The following KCNH4 variants were observed in gnomAD, a reference collection of about 807,000 sequenced individuals.
KCNH4 encodes voltage-gated delayed rectifier potassium channel KCNH4.
Under a neutral mutation model 90.7 loss-of-function variants are expected in KCNH4, and 33 were observed. That is an observed-to-expected ratio of 0.36 (90% CI 0.28 to 0.49). The LOEUF is 0.49. Ranked by LOEUF, KCNH4 falls within the 20% of genes least tolerant of loss-of-function variation. KCNH4 has a pLI of 0.98. For synonymous variants in KCNH4, 551 were observed against 581.7 expected, an observed-to-expected ratio of 0.95 and a Z score of 0.76; for missense variants, 1,044 against 1,387.1, an observed-to-expected ratio of 0.75 and a Z score of 3.93.
rs2293153 is a variant in KCNH4 at position 42,176,025 on chromosome 17, A to G, written c.829+29T>C. The G allele has an allele frequency of 0.038, 59,292 of 1,570,826 alleles. 6,295 individuals are homozygous for G. In the African/African-American group the frequency reaches 0.39, roughly 10 times the overall value. On this transcript the variant is annotated intron_variant, in intron 5 of 16. Transcript: ENST00000264661. ...CCAAGTGGATCCCCCCAGCCGACCC[A>G]CCAGGGTGGGTGAGGCAGAAGGTCT... is the stretch of plus-strand genomic sequence containing the variant.
intron 5 of KCNH4, 124 bp from the exon 6 acceptor site, chr17:42,175,860 G>C: frequency 7.5e-7 from 1 of 1,329,346 alleles, no homozygotes; most frequent in African/African-American, 1.5e-5. Flanking sequence ...TGGGCTTCTG[G>C]CTGGTCCTTA....
chr17:42,158,967 A>G (rs896969042), intron 16 of KCNH4, among the ~76,000 whole-genome samples: 1 of 152,074 alleles, frequency 6.6e-6, no homozygotes, highest in Non-Finnish European at 1.5e-5. Flanking sequence ...TATAGGCATG[A>G]ACCACTGTGC....
intron 12 of KCNH4, 50 bp from the exon 13 acceptor site, chr17:42,164,008 C>G: frequency 6.7e-7 from 1 of 1,498,994 alleles, no homozygotes; most frequent in Non-Finnish European, 9.0e-7. Flanking sequence ...ACAACAGACC[C>G]CTTCATTAAG....
At chr17:42,177,637 A>C (rs901449957) in intron 4 of KCNH4, among the ~76,000 whole-genome samples, 1 of 152,194 alleles carries the variant, frequency 6.6e-6, no homozygotes, top group Non-Finnish European at 1.5e-5. Flanking sequence ...CAGGGAGCAG[A>C]GGCTGGCATA....
intron 12 of KCNH4, 27 bp downstream of exon 12, chr17:42,164,103 C>G: frequency 6.5e-7 from 1 of 1,549,376 alleles, no homozygotes; most frequent in Non-Finnish European, 8.7e-7. Flanking sequence ...CAGGGCAATT[C>G]AACCCCACCC....
chr17:42,178,259 G>GGGCACATCCCTTGC, intron 3 of KCNH4, 32 bp from the exon 4 acceptor site: 1 of 1,614,162 alleles, frequency 6.2e-7, no homozygotes, highest in Non-Finnish European at 8.5e-7. Flanking sequence ...AGATACGTTG[G>GGGCACATCCCTTGC]GGCACATCCC....
In KCNH4 at chr17:42,164,175, G is replaced by C; in HGVS notation, c.2086-7C>G. ...GGGAAAAGCGGCTGAGGCCCTGTGG[G>C]GACATAGGAGAGTTCAAGCTGATTC... is the stretch of plus-strand genomic sequence containing the variant. On this transcript the variant is annotated splice_region_variant and splice_polypyrimidine_tract_variant and intron_variant, in intron 11 of 16. Transcript: ENST00000264661. 1 of 1,546,918 alleles carries C rather than the reference G, an allele frequency of 6.5e-7. No individual in the cohort carries two copies. Among genetic ancestry groups the C allele is most frequent in the Non-Finnish European group, 8.7e-7 (1 of 1,144,682 alleles).
chr17:42,161,459 CTG>C (rs2079748435), intron 15 of KCNH4, among the ~76,000 whole-genome samples: 1 of 152,184 alleles, frequency 6.6e-6, no homozygotes, highest in South Asian at 2.1e-4. Context: ...GGTGACAACT[CTG>C]AGATCCCTTG....
chr17:42,166,525 C>T lies in KCNH4; in HGVS notation c.1612G>A (p.Glu538Lys), dbSNP rs774423344. 4 of 1,612,754 alleles carry T rather than the reference C, an allele frequency of 2.5e-6. No homozygotes were observed. Among genetic ancestry groups the T allele is most frequent in the African/African-American group, 2.7e-5 (2 of 75,018 alleles). The change falls in exon 10 of 17, where the codon GAG (glutamate) becomes AAG (lysine). Residue 538 changes from glutamate to lysine, a missense_variant. By Grantham distance (56) the Glu-to-Lys change is moderately conservative. Coordinates refer to ENST00000264661, the MANE Select transcript of KCNH4 (RefSeq NM_012285.3). Reference protein sequence around the residue: ...ANELLRDFPDELRADIAMHLN... With the variant: ...ANELLRDFPDKLRADIAMHLN... ...TGCATAGCAATGTCAGCTCTCAGCTCGTCTGGGAAGTCACGCAGTAACTGC... is the reference window on the plus strand; with the variant it reads ...TGCATAGCAATGTCAGCTCTCAGCTTGTCTGGGAAGTCACGCAGTAACTGC...
chr17:42,162,960 C>T (rs1380058324), intron 14 of KCNH4, among the ~76,000 whole-genome samples: 2 of 152,212 alleles, frequency 1.3e-5, no homozygotes, highest in Non-Finnish European at 2.9e-5. Context: ...AGCATCCCCT[C>T]CTCTGCAAGG....
chr17:42,158,325 T>TCGAA (rs1568029608), intron 16 of KCNH4, among the ~76,000 whole-genome samples: 3 of 150,024 alleles, frequency 2.0e-5, no homozygotes, highest in African/African-American at 4.9e-5. Context: ...GGTCAGGAGA[T>TCGAA]CGAGACCATC....
At chr17:42,176,350 A>G (rs1420675754) in intron 4 of KCNH4, 53 bp from the exon 5 acceptor site, 5 of 871,208 alleles carry the variant, frequency 5.7e-6, no homozygotes, top group Non-Finnish European at 8.5e-6. Context: ...AGGAGCCAAG[A>G]TGGGGGGTGG....
intron 10 of KCNH4, 84 bp from the exon 11 acceptor site, chr17:42,165,777 T>A: frequency 6.6e-7 from 1 of 1,522,468 alleles, no homozygotes; most frequent in African/African-American, 1.4e-5. Flanking sequence ...ATTTGAGGGG[T>A]GGTCAGTGTG....
Position 42,180,791 on chromosome 17 carries a change from T to G in KCNH4, c.76+79A>C. On this transcript the variant is annotated intron_variant, in intron 1 of 16. Transcript: ENST00000264661. This position sits in a 1 kb window ranked among gnomAD's most constrained non-coding sequence, Gnocchi z 4.7. ...TCTCCCCTCGCCTCGGGTCTCACCA[T>G]GTCCAGGAGATCCGAGACGGCCCCG... 2.1e-6 allele frequency: 3 copies of G among 1,401,722 alleles called. No homozygotes were observed. The highest frequency in any genetic ancestry group is 3.0e-6 in the Non-Finnish European group (3 of 991,068). The allele number at this position is 1,401,722 out of a possible 1,614,324, so 86.8% of individuals were successfully genotyped here. A position where few individuals can be genotyped will look rare whatever the true frequency, so the allele number is the denominator to read the frequency against.
At chr17:42,158,960 A>G (rs2079726917) in intron 16 of KCNH4, among the ~76,000 whole-genome samples, 1 of 152,106 alleles carries the variant, frequency 6.6e-6, no homozygotes, top group African/African-American at 2.4e-5. Flanking sequence ...CTGGGATTAT[A>G]GGCATGAACC....
rs751944745 is a variant in KCNH4, at chr17:42,160,030, TG to T, written c.*9del. 7.3e-6 allele frequency: 11 copies of T among 1,506,866 alleles called. No homozygotes were observed. In the African/African-American group the frequency reaches 9.8e-5, roughly 13 times the overall value. 93.3% of individuals were successfully genotyped at this position (1,506,866 alleles called of 1,614,324 possible). ...GCCCACCCCAGACAGGCCTGGGCCC[TG>T]GGCCAGGGTCAGTGGAACGTGTCTG... On this transcript the variant is annotated 3_prime_UTR_variant, in exon 16 of 17. Coordinates refer to ENST00000264661, the MANE Select transcript of KCNH4 (RefSeq NM_012285.3).
intron 9 of KCNH4, among the ~76,000 whole-genome samples, chr17:42,168,286 T>C (rs1962519114): frequency 6.6e-6 from 1 of 152,188 alleles, no homozygotes; most frequent in Non-Finnish European, 1.5e-5. Flanking sequence ...TCAGGAAATG[T>C]TGGCAGAAGG....
intron 16 of KCNH4, among the ~76,000 whole-genome samples, chr17:42,157,871 C>G (rs2079719549): frequency 6.6e-6 from 1 of 152,194 alleles, no homozygotes; most frequent in Non-Finnish European, 1.5e-5. Flanking sequence ...TCCACCTCAG[C>G]TTCTGGAGTA....
Position 42,179,639 on chromosome 17 carries a change from A to G in KCNH4, c.77-613T>C, listed in dbSNP as rs558233887. 2.0e-5 allele frequency among the ~76,000 whole-genome samples: 3 copies of G among 152,344 alleles called. No homozygotes were observed. The South Asian group carries it at 6.2e-4, about 32-fold the overall frequency. On this transcript the variant is annotated intron_variant, in intron 1 of 16. Coordinates refer to ENST00000264661, the MANE Select transcript of KCNH4 (RefSeq NM_012285.3). ...GACACCACACCCATTTATTGATAGG[A>G]AACCAAAAGGCAGAGATTATCCAAA... is the stretch of plus-strand genomic sequence containing the variant.
Sources: allele counts gnomAD v4.1 joint callset (sites outside exome capture counted in the v4.1 genomes callset), GRCh38; gene constraint gnomAD v4.1.1; non-coding constraint Gnocchi (gnomAD v3.1); transcripts MANE v1.5; gene names NCBI Gene and HGNC (gene_info 2026-07-23, HGNC 2026-07-21).